CNIH3: variants seen among roughly 807,000 people sequenced by gnomAD.
CNIH3 encodes cornichon family AMPA receptor auxiliary protein 3.
Under a neutral mutation model 24.1 loss-of-function variants are expected in CNIH3, and 14 were observed. The observed-to-expected ratio is 0.58, with a 90% CI of 0.38 to 0.91. The LOEUF is 0.91. CNIH3 is among the 40% of genes least tolerant of loss of function. The probability of loss-of-function intolerance (pLI) is 0.00; values close to 1 mark genes in which losing one functional copy is unlikely to be tolerated. For missense variants in CNIH3, 178 were observed against 196.8 expected (o/e 0.90, Z 0.57); for synonymous variants, 68 against 73.8 (o/e 0.92, Z 0.40).
At position 224,463,773 on chromosome 1, in the gene CNIH3, A is replaced by ATTTTTTTTTTTTTTTTTT. The variant is rs56137320; in HGVS notation, n.203+28930_203+28947dup. On this transcript the variant is annotated intron_variant and non_coding_transcript_variant, in intron 1 of 5. Coordinates refer to the CNIH3 transcript ENST00000471578. ...TTCTCCCAGCTTATGAATTGTCCTC[A>ATTTTTTTTTTTTTTTTTT]TTTTTTTTTTTTTTTTTTTTTTTTT... Among the ~76,000 whole-genome samples the ATTTTTTTTTTTTTTTTTT allele has an allele frequency of 1.4e-4, 3 of 20,730 alleles. 1 individual carries two copies. Among genetic ancestry groups the ATTTTTTTTTTTTTTTTTT allele is most frequent in the Non-Finnish European group, 2.2e-4 (3 of 13,356 alleles). The allele number at this position is 20,730 out of a possible 152,430, so 13.6% of individuals were successfully genotyped here.
At chr1:224,574,586 T>C (rs2125005152) in intron 4 of CNIH3, 1 of 794,356 alleles carries the variant, frequency 1.3e-6, no homozygotes, top group Non-Finnish European at 2.3e-6. Context: ...TGTACCAGAA[T>C]GAGAATGACG....
chr1:224,500,424 C>A (rs1677606388), intron 1 of CNIH3, among the ~76,000 whole-genome samples: 1 of 152,140 alleles, frequency 6.6e-6, no homozygotes, highest in Non-Finnish European at 1.5e-5. Flanking sequence ...GTAATCCCAG[C>A]ACTTTGGGAG....
chr1:224,555,124 AC>A (rs1440501613), intron 3 of CNIH3, among the ~76,000 whole-genome samples: 2 of 152,122 alleles, frequency 1.3e-5, no homozygotes, highest in East Asian at 3.9e-4. Context: ...AGTTCCCCCA[AC>A]CTTTTGAAGT....
chr1:224,667,600 A>G (rs982611033), intron 1 of CNIH3, among the ~76,000 whole-genome samples: 1 of 152,212 alleles, frequency 6.6e-6, no homozygotes, highest in African/African-American at 2.4e-5. Flanking sequence ...GCAAATTAAA[A>G]CAAGAGAGAG....
At chr1:224,462,988 C>T (rs1294745163) in intron 1 of CNIH3, among the ~76,000 whole-genome samples, 1 of 150,144 alleles carries the variant, frequency 6.7e-6, no homozygotes, top group Non-Finnish European at 1.5e-5. Context: ...GCAACCTGCA[C>T]CTCCTGGGTT....
At chr1:224,485,677 G>A (rs1676999712) in intron 1 of CNIH3, among the ~76,000 whole-genome samples, 1 of 152,120 alleles carries the variant, frequency 6.6e-6, no homozygotes, top group South Asian at 2.1e-4. Flanking sequence ...AAATTTTGTA[G>A]AGATAGAATC....
At chr1:224,459,456 T>C (rs896235071) in intron 1 of CNIH3, among the ~76,000 whole-genome samples, 3 of 152,188 alleles carry the variant, frequency 2.0e-5, no homozygotes, top group African/African-American at 7.2e-5. Flanking sequence ...ATCTATACTA[T>C]GGCAAAGGGG....
exon 1 of CNIH3, chr1:224,434,741 G>GGATCC (rs1227725553): frequency 1.0e-6 from 1 of 986,738 alleles, no homozygotes; most frequent in Non-Finnish European, 1.2e-6. Flanking sequence ...CTCTGTCCTC[G>GGATCC]GATCCGCTCC....
intron 3 of CNIH3, among the ~76,000 whole-genome samples, chr1:224,688,428 A>G (rs1262984655): frequency 6.6e-6 from 1 of 152,118 alleles, no homozygotes; most frequent in East Asian, 1.9e-4. Flanking sequence ...ATTTTGTTTC[A>G]TTCACTGTCA....
At chr1:224,488,003 A>G (rs1007603481) in intron 1 of CNIH3, among the ~76,000 whole-genome samples, 5 of 151,974 alleles carry the variant, frequency 3.3e-5, no homozygotes, top group Admixed American at 3.3e-4. Context: ...GTGTCTCTAC[A>G]CCATTCCTGG....
intron 3 of CNIH3, among the ~76,000 whole-genome samples, chr1:224,603,153 A>G (rs1682276890): frequency 6.9e-6 from 1 of 144,214 alleles, no homozygotes; most frequent in Non-Finnish European, 1.5e-5. Flanking sequence ...CAGGCAGAGG[A>G]ATAGTCCATT....
intron 1 of CNIH3, among the ~76,000 whole-genome samples, chr1:224,493,723 A>G (rs1677325558): frequency 6.6e-6 from 1 of 152,214 alleles, no homozygotes; most frequent in South Asian, 2.1e-4. Flanking sequence ...TGGTACTCCC[A>G]AAAGCACATG....
Position 224,616,672 on chromosome 1 carries a change from G to C in CNIH3, c.-503G>C, listed in dbSNP as rs751612830. On this transcript the variant is annotated 5_prime_UTR_variant, in exon 1 of 6. Coordinates refer to ENST00000272133, the MANE Select transcript of CNIH3 (RefSeq NM_152495.2). ...TTTGGGAGGAGCTCGGAGGCCGCTCGGGCACCTCGCTGGACACTATCCGTT... is the reference window on the plus strand; with the variant it reads ...TTTGGGAGGAGCTCGGAGGCCGCTCCGGCACCTCGCTGGACACTATCCGTT... The C allele has an allele frequency of 1.0e-4, 101 of 988,448 alleles. No homozygotes were observed. The highest frequency in any genetic ancestry group is 1.0e-4 in the Non-Finnish European group (86 of 832,234). 61.2% of individuals were successfully genotyped at this position (988,448 alleles called of 1,614,324 possible).
At chr1:224,531,385 T>G (rs1050534825) in intron 2 of CNIH3, among the ~76,000 whole-genome samples, 4 of 152,164 alleles carry the variant, frequency 2.6e-5, no homozygotes, top group Non-Finnish European at 5.9e-5. Context: ...CTGTGTACCT[T>G]TATATAATAC....
At chr1:224,483,471 C>G (rs7531794) in intron 1 of CNIH3, among the ~76,000 whole-genome samples, 126,338 of 151,708 alleles carry the variant, frequency 0.83, 53,043 homozygotes, top group East Asian at 0.97. Flanking sequence ...TCACCGCAAC[C>G]TCCGCCTCCC....
exon 3 of CNIH3, chr1:224,546,903 G>A: frequency 1.0e-6 from 1 of 985,338 alleles, no homozygotes; most frequent in South Asian, 4.7e-5. Flanking sequence ...GGTGCTGGAA[G>A]AAGCACATAT....
chr1:224,506,269 A>ACG (rs760624445), intron 1 of CNIH3, among the ~76,000 whole-genome samples: 317 of 130,836 alleles, frequency 2.4e-3, no homozygotes, highest in Middle Eastern at 3.7e-3. Flanking sequence ...ATGCACGCAC[A>ACG]CGCGCGCGCG....
At chr1:224,450,028 A>G (rs1675327769) in intron 1 of CNIH3, among the ~76,000 whole-genome samples, 1 of 152,064 alleles carries the variant, frequency 6.6e-6, no homozygotes, top group Admixed American at 6.6e-5. Flanking sequence ...ACACACGCAC[A>G]CACATACATA....
chr1:224,561,123 CT>C (rs1195749707), intron 3 of CNIH3, among the ~76,000 whole-genome samples: 2 of 152,086 alleles, frequency 1.3e-5, no homozygotes, highest in Non-Finnish European at 2.9e-5. Context: ...TTAATATAGT[CT>C]GGTTATGAGC....
Sources: gnomAD v4.1 joint callset for allele counts (sites outside exome capture counted in the v4.1 genomes callset) on GRCh38, gnomAD v4.1.1 for gene constraint, MANE v1.5 for transcripts, NCBI Gene and HGNC (gene_info 2026-07-23, HGNC 2026-07-21) for gene names.